CDH12: variants seen among roughly 807,000 people sequenced by gnomAD.
CDH12 encodes cadherin-12.
In CDH12, 41 loss-of-function variants were observed where a neutral mutation model predicts 74.1. The observed-to-expected ratio is 0.55, with a 90% confidence interval of 0.43 to 0.72. The LOEUF (loss-of-function observed/expected upper bound fraction) is 0.72. Ranked by LOEUF, CDH12 falls within the 30% of genes least tolerant of loss-of-function variation. The probability of loss-of-function intolerance (pLI) is 0.00; values close to 1 mark genes in which losing one functional copy is unlikely to be tolerated. For synonymous variants in CDH12, 399 were observed against 355.0 expected, an observed-to-expected ratio of 1.12 and a Z score of -1.39; for missense variants, 945 against 977.2, an observed-to-expected ratio of 0.97 and a Z score of 0.44.
intron 3 of CDH12, among the ~76,000 whole-genome samples, chr5:22,283,176 A>G (rs1449362574): frequency 1.4e-5 from 2 of 147,508 alleles, no homozygotes; most frequent in Non-Finnish European, 3.0e-5. Flanking sequence ...AAAATGAAAA[A>G]CAAATAATTC....
At chr5:22,687,230 G>T (rs1322022788) in intron 1 of CDH12, among the ~76,000 whole-genome samples, 1 of 152,008 alleles carries the variant, frequency 6.6e-6, no homozygotes, top group East Asian at 1.9e-4. Flanking sequence ...GGAGTCGGAG[G>T]TTGCAGTGAG....
intron 5 of CDH12, among the ~76,000 whole-genome samples, chr5:22,002,219 A>G (rs184094639): frequency 5.3e-5 from 8 of 152,296 alleles, no homozygotes; most frequent in Admixed American, 3.9e-4. Flanking sequence ...TTTTTAAATG[A>G]CAAATGAATA....
At chr5:22,787,442 GA>G (rs1747694059) in intron 1 of CDH12, among the ~76,000 whole-genome samples, 3 of 152,042 alleles carry the variant, frequency 2.0e-5, no homozygotes, top group Non-Finnish European at 4.4e-5. Flanking sequence ...AAAGCACACA[GA>G]ATCTTTCCCT....
chr5:22,091,766 T>G (rs1236316233), intron 4 of CDH12, among the ~76,000 whole-genome samples: 1 of 151,804 alleles, frequency 6.6e-6, no homozygotes, highest in Non-Finnish European at 1.5e-5. Flanking sequence ...TACAAAAAAG[T>G]AAATAATTTG....
chr5:22,536,128 C>G (rs1737832058), intron 1 of CDH12, among the ~76,000 whole-genome samples: 1 of 152,040 alleles, frequency 6.6e-6, no homozygotes, highest in South Asian at 2.1e-4. Context: ...AGAACCAATC[C>G]CTCATGGATA....
intron 3 of CDH12, among the ~76,000 whole-genome samples, chr5:22,264,838 AGT>A (rs1471702232): frequency 6.6e-6 from 1 of 152,184 alleles, no homozygotes; most frequent in Non-Finnish European, 1.5e-5. Flanking sequence ...TGAGGCAAGA[AGT>A]GTGAGCTGGC....
intron 11 of CDH12, among the ~76,000 whole-genome samples, chr5:21,768,924 T>C (rs1379713621): frequency 6.6e-6 from 1 of 151,956 alleles, no homozygotes; most frequent in East Asian, 1.9e-4. Context: ...ATACAGATAA[T>C]ATATTATGAT....
chr5:21,873,786 C>T (rs1036448942), intron 6 of CDH12, among the ~76,000 whole-genome samples: 1 of 151,946 alleles, frequency 6.6e-6, no homozygotes, highest in African/African-American at 2.4e-5. Context: ...GCTCTCCCTC[C>T]CCCACCCTCC....
At chr5:22,290,288 C>A (rs1402238852) in intron 3 of CDH12, among the ~76,000 whole-genome samples, 1 of 151,990 alleles carries the variant, frequency 6.6e-6, no homozygotes, top group African/African-American at 2.4e-5. Flanking sequence ...CAGTGACTGA[C>A]CCCAAAACAT....
Position 22,048,583 on chromosome 5 carries a change from T to A in CDH12, c.231+29863A>T, listed in dbSNP as rs1462754012. The stretch of plus-strand genomic sequence containing the variant: ...CTGATATATTGATGACACAGGATAA[T>A]GCATTCAAAGGAAAAAATATTAAGT... On this transcript the variant is annotated intron_variant, in intron 5 of 14. Transcript: ENST00000382254. Among the ~76,000 whole-genome samples, 4 of 151,910 alleles carry A rather than the reference T, an allele frequency of 2.6e-5. No homozygotes were observed. In the East Asian group the frequency reaches 7.7e-4, roughly 29 times the overall value.
chr5:21,804,667 CACACACACACACACACACACACACACAT>C, intron 9 of CDH12, among the ~76,000 whole-genome samples: 1 of 151,366 alleles, frequency 6.6e-6, no homozygotes, highest in South Asian at 2.1e-4. Context: ...CACACACACA[CACACACACACACACACACACACACACAT>C]AGATGTTTTA....
intron 2 of CDH12, among the ~76,000 whole-genome samples, chr5:22,415,500 T>C (rs918642399): frequency 2.0e-5 from 3 of 152,188 alleles, no homozygotes; most frequent in Non-Finnish European, 2.9e-5. Flanking sequence ...GCTTGAAAAG[T>C]TCTTACATAG....
chr5:22,756,073 G>T, intron 1 of CDH12, among the ~76,000 whole-genome samples: 1 of 125,028 alleles, frequency 8.0e-6, no homozygotes. Context: ...GTGCTTTGAA[G>T]TAATGGATCC....
chr5:22,790,315 G>A (rs981410930), intron 1 of CDH12, among the ~76,000 whole-genome samples: 6 of 152,126 alleles, frequency 3.9e-5, no homozygotes, highest in African/African-American at 1.4e-4. Flanking sequence ...TAGCATCAAT[G>A]AGGGTTAAGA....
intron 1 of CDH12, among the ~76,000 whole-genome samples, chr5:22,841,270 A>G (rs1304338963): frequency 6.6e-6 from 1 of 152,178 alleles, no homozygotes; most frequent in Non-Finnish European, 1.5e-5. Context: ...TCTGCTGGCA[A>G]ATTAGATATG....
intron 5 of CDH12, among the ~76,000 whole-genome samples, chr5:22,074,098 C>T (rs1742136102): frequency 6.6e-6 from 1 of 152,096 alleles, no homozygotes; most frequent in African/African-American, 2.4e-5. Flanking sequence ...TCCTCCTCCT[C>T]AGCCTATGCA....
chr5:22,690,918 C>T (rs1742048182), intron 1 of CDH12, among the ~76,000 whole-genome samples: 1 of 152,126 alleles, frequency 6.6e-6, no homozygotes, highest in Admixed American at 6.6e-5. Context: ...CATGGGACAC[C>T]ATGGTTAATG....
chr5:22,717,576 G>C (rs527453747), intron 1 of CDH12, among the ~76,000 whole-genome samples: 1 of 152,214 alleles, frequency 6.6e-6, no homozygotes, highest in African/African-American at 2.4e-5. Context: ...ACACAAATGT[G>C]ACCCAAAATG....
At chr5:22,348,249 T>G (rs1174735565) in intron 3 of CDH12, among the ~76,000 whole-genome samples, 2 of 152,198 alleles carry the variant, frequency 1.3e-5, no homozygotes, top group African/African-American at 4.8e-5. Context: ...TCTTTAAGCC[T>G]GAGTGCTTTT....
Sources: gnomAD v4.1 joint callset for allele counts (sites outside exome capture counted in the v4.1 genomes callset) on GRCh38, gnomAD v4.1.1 for gene constraint, MANE v1.5 for transcripts, NCBI Gene and HGNC (gene_info 2026-07-23, HGNC 2026-07-21) for gene names.